XYLT1: variants seen among roughly 807,000 people sequenced by gnomAD.
XYLT1 encodes beta-D-xylosyltransferase 1.
XYLT1 carries 36 observed loss-of-function variants against 91.3 expected under a neutral mutation model. The observed-to-expected ratio is 0.39, with a 90% confidence interval of 0.30 to 0.52. The LOEUF (loss-of-function observed/expected upper bound fraction) is 0.52. XYLT1 is among the 20% of genes least tolerant of loss of function. The pLI is 0.68. For synonymous variants in XYLT1, 588 were observed against 532.0 expected, an observed-to-expected ratio of 1.11 and a Z score of -1.45; for missense variants, 1,242 against 1,284.5, an observed-to-expected ratio of 0.97 and a Z score of 0.51.
intron 8 of XYLT1, 112 bp from the exon 9 acceptor site, chr16:17,134,847 A>C: frequency 1.5e-6 from 2 of 1,320,128 alleles, no homozygotes; most frequent in Non-Finnish European, 2.1e-6. Context: ...GACCCGAATT[A>C]GCTCCGATAC....
At chr16:17,379,439 CAG>C (rs1229392407) in intron 1 of XYLT1, among the ~76,000 whole-genome samples, 1 of 152,164 alleles carries the variant, frequency 6.6e-6, no homozygotes, top group Non-Finnish European at 1.5e-5. Flanking sequence ...TGCCTGGGGG[CAG>C]AGACACCCCA....
intron 3 of XYLT1, among the ~76,000 whole-genome samples, chr16:17,242,802 T>C (rs2033367961): frequency 6.6e-6 from 1 of 152,180 alleles, no homozygotes; most frequent in African/African-American, 2.4e-5. Context: ...GGTCTCACCA[T>C]CCTACTCCTG....
At chr16:17,304,666 C>A (rs1309710398) in intron 2 of XYLT1, among the ~76,000 whole-genome samples, 1 of 151,542 alleles carries the variant, frequency 6.6e-6, no homozygotes, top group African/African-American at 2.4e-5. Flanking sequence ...TTTTTTTTTC[C>A]CACAAAAAGT....
intron 3 of XYLT1, among the ~76,000 whole-genome samples, chr16:17,219,157 C>T (rs995651242): frequency 1.8e-4 from 27 of 151,758 alleles, no homozygotes; most frequent in African/African-American, 6.5e-4. Context: ...TGGCACATGC[C>T]TATAATCCCA....
At chr16:17,140,658 C>CAAAAAAAAA (rs71137974) in intron 7 of XYLT1, among the ~76,000 whole-genome samples, 20 of 68,028 alleles carry the variant, frequency 2.9e-4, no homozygotes, top group African/African-American at 1.1e-3. Flanking sequence ...AAGACTGTCT[C>CAAAAAAAAA]AAAAAAAAAA....
chr16:17,232,830 T>G (rs1203593275), intron 3 of XYLT1, among the ~76,000 whole-genome samples: 3 of 152,046 alleles, frequency 2.0e-5, no homozygotes, highest in African/African-American at 7.3e-5. Context: ...GCAGCGGTGG[T>G]GATGGTGGTA....
intron 1 of XYLT1, among the ~76,000 whole-genome samples, chr16:17,388,607 C>T (rs1029511986): frequency 3.3e-5 from 5 of 152,132 alleles, no homozygotes; most frequent in African/African-American, 1.2e-4. Flanking sequence ...TAAGGAGAAA[C>T]ATCATTGGAA....
Position 17,369,130 on chromosome 16 carries a change from CT to C in XYLT1, c.364-11081del, listed in dbSNP as rs36042244. Among the ~76,000 whole-genome samples, 627 of 124,864 alleles carry C rather than the reference CT, an allele frequency of 5.0e-3. 1 individual carries two copies. Among genetic ancestry groups the C allele is most frequent in the African/African-American group, 8.5e-3 (283 of 33,294 alleles). The allele number at this position is 124,864 out of a possible 152,430, so 81.9% of individuals were successfully genotyped here. On this transcript the variant is annotated intron_variant, in intron 1 of 11. Coordinates refer to ENST00000261381, the MANE Select transcript of XYLT1 (RefSeq NM_022166.4). ...ATCTGCATGGTGCACAAAAATACTT[CT>C]TTTTTTTTTTTTTTTTTTAGATGGA...
intron 1 of XYLT1, among the ~76,000 whole-genome samples, chr16:17,370,737 T>C (rs541779844): frequency 1.2e-4 from 19 of 152,274 alleles, no homozygotes; most frequent in African/African-American, 4.6e-4. Flanking sequence ...AAAACCTACA[T>C]AGGATGCCAA....
At chr16:17,159,110 T>G (rs538033021) in intron 5 of XYLT1, among the ~76,000 whole-genome samples, 1 of 152,290 alleles carries the variant, frequency 6.6e-6, no homozygotes, top group East Asian at 1.9e-4. Flanking sequence ...TAAAATGGGC[T>G]GTTTGTGCAT....
chr16:17,143,897 A>G (rs536595221), intron 6 of XYLT1, among the ~76,000 whole-genome samples: 1 of 149,988 alleles, frequency 6.7e-6, no homozygotes, highest in Non-Finnish European at 1.5e-5. Context: ...CACCATCGTC[A>G]TCATCACCAT....
intron 1 of XYLT1, among the ~76,000 whole-genome samples, chr16:17,456,828 T>C (rs1171464879): frequency 6.6e-6 from 1 of 152,238 alleles, no homozygotes; most frequent in Non-Finnish European, 1.5e-5. Context: ...TTTCCTCATC[T>C]GTAGATGGGA....
At chr16:17,140,334 T>C (rs772440719) in intron 7 of XYLT1, among the ~76,000 whole-genome samples, 1 of 152,144 alleles carries the variant, frequency 6.6e-6, no homozygotes. Flanking sequence ...AGGTGGTCAT[T>C]ACATGATTGG....
chr16:17,143,522 T>C (rs1003712933), intron 6 of XYLT1, among the ~76,000 whole-genome samples: 1 of 152,018 alleles, frequency 6.6e-6, no homozygotes, highest in African/African-American at 2.4e-5. Flanking sequence ...AATAACTCTA[T>C]TGTATGAATG....
chr16:17,112,880 G>GC (rs1187230971), intron 11 of XYLT1, among the ~76,000 whole-genome samples: 5 of 150,648 alleles, frequency 3.3e-5, no homozygotes, highest in African/African-American at 1.2e-4. Context: ...CGCTCTTGTT[G>GC]CCAGGCTGGA....
At chr16:17,243,958 A>G (rs1014067730) in intron 3 of XYLT1, among the ~76,000 whole-genome samples, 1 of 152,152 alleles carries the variant, frequency 6.6e-6, no homozygotes, top group African/African-American at 2.4e-5. Context: ...CTGGAAAATC[A>G]TTGTGGGGAT....
intron 1 of XYLT1, among the ~76,000 whole-genome samples, chr16:17,375,777 G>T (rs1170281896): frequency 6.6e-6 from 1 of 152,214 alleles, no homozygotes; most frequent in African/African-American, 2.4e-5. Context: ...AGGCAGCCTG[G>T]AACCACATTT....
At chr16:17,219,862 CT>C (rs1378595922) in intron 3 of XYLT1, among the ~76,000 whole-genome samples, 1 of 152,074 alleles carries the variant, frequency 6.6e-6, no homozygotes. Flanking sequence ...AACTCCGTCT[CT>C]ACTAGAAATA....
At position 17,108,437 on chromosome 16, in the gene XYLT1, A is replaced by C; in HGVS notation, c.*258T>G. 1 of 394,260 alleles carries C rather than the reference A, an allele frequency of 2.5e-6. No homozygotes were observed. The highest frequency in any genetic ancestry group is 4.5e-6 in the Non-Finnish European group (1 of 222,664). 24.4% of individuals were successfully genotyped at this position (394,260 alleles called of 1,614,324 possible). On this transcript the variant is annotated 3_prime_UTR_variant, in exon 12 of 12. Transcript: ENST00000261381. ...TGGAAGGGGAAGACAAGGAACCTGTAGGACTTGAGGATCAACCAGAAGAGG... is the reference window on the plus strand; with the variant it reads ...TGGAAGGGGAAGACAAGGAACCTGTCGGACTTGAGGATCAACCAGAAGAGG...
Sources: allele counts gnomAD v4.1 joint callset (sites outside exome capture counted in the v4.1 genomes callset), GRCh38; gene constraint gnomAD v4.1.1; transcripts MANE v1.5; gene names NCBI Gene and HGNC (gene_info 2026-07-23, HGNC 2026-07-21).